TTN: variants seen among roughly 807,000 people sequenced by gnomAD.
TTN encodes the protein titin.
A neutral mutation model predicts 3,223.0 loss-of-function variants in TTN; 1,525 were observed. The ratio of observed to expected loss-of-function variants is 0.47; its 90% CI spans 0.45 to 0.49. The LOEUF is 0.49. Among genes scored for constraint, TTN ranks in the 20% least tolerant of loss-of-function variants. The probability of loss-of-function intolerance (pLI) is 0.00; values close to 1 mark genes in which losing one functional copy is unlikely to be tolerated. For synonymous variants in TTN, 14,094 were observed against 15,161.0 expected, an observed-to-expected ratio of 0.93 and a Z score of 5.17; for missense variants, 40,786 against 43,424.0, an observed-to-expected ratio of 0.94 and a Z score of 5.40.
Position 178,748,945 on chromosome 2 carries a change from A to G in TTN, c.11311+4179T>C, listed in dbSNP as rs146470872. The stretch of plus-strand genomic sequence containing the variant: ...CTTTGTCATCAATCTTCTTTTGAGG[A>G]GGATTAACAATTGATGTTCTGGTAG... On this transcript the variant is annotated intron_variant, in intron 47 of 362. Coordinates refer to ENST00000589042, the MANE Select transcript of TTN (RefSeq NM_001267550.2). 1.1e-3 allele frequency: 1,794 copies of G among 1,612,446 alleles called. 13 individuals carry two copies. In the African/African-American group the frequency reaches 0.014, roughly 13 times the overall value.
chr2:178,712,616 A>G (rs1261718717), intron 94 of TTN, 23 bp from the exon 95 acceptor site: 1 of 1,607,136 alleles, frequency 6.2e-7, no homozygotes, highest in Non-Finnish European at 8.5e-7. Flanking sequence ...AATTGAAAAT[A>G]TAAAATCAAA....
intron 127 of TTN, among the ~76,000 whole-genome samples, chr2:178,686,345 C>G (rs1011927058): frequency 6.6e-6 from 1 of 151,240 alleles, no homozygotes; most frequent in African/African-American, 2.4e-5. Context: ...TGGTCTCGAT[C>G]TCCTGACCTC....
Position 178,701,223 on chromosome 2 carries a change from T to TTAG in TTN, c.30599-23_30599-21dup. ...GGATTTCTGAAGAAAATAAATGCCG[T>TTAG]TAGTAACATGTTTTAGTTTCTTATT... On this transcript the variant is annotated intron_variant, in intron 110 of 362. Transcript: ENST00000589042. 1.3e-6 allele frequency: 2 copies of TTAG among 1,592,806 alleles called. No homozygotes were observed. The highest frequency in any genetic ancestry group is 2.3e-5 in the South Asian group (2 of 87,602).
chr2:178,670,072 A>T, intron 157 of TTN, 146 bp downstream of exon 157: 3 of 529,306 alleles, frequency 5.7e-6, no homozygotes, highest in Non-Finnish European at 9.5e-6. Context: ...CATTGCCTCA[A>T]AAGGCAGGAT....
In TTN at chr2:178,620,102, C is replaced by T; in HGVS notation, c.46315G>A (p.Glu15439Lys). 1.2e-6 allele frequency: 2 copies of T among 1,608,934 alleles called. No homozygotes were observed. Among genetic ancestry groups the T allele is most frequent in the Non-Finnish European group, 8.5e-7 (1 of 1,178,028 alleles). ...EIKEGKKYKF[E>K]KDGSIHRLII... Reference sequence around the variant, plus strand: ...AGTCTGTGTATACTTCCATCTTTTTCAAATTTGTATCTAAAGGAGACATTG... The same window carrying T: ...AGTCTGTGTATACTTCCATCTTTTTTAAATTTGTATCTAAAGGAGACATTG... Residue 15439 changes from glutamate (E) to lysine (K), a missense_variant, in exon 249 of 363, where the codon GAA becomes AAA. Transcript: ENST00000589042.
chr2:178,747,391 A>G, intron 47 of TTN: 1 of 1,613,390 alleles, frequency 6.2e-7, no homozygotes, highest in Non-Finnish European at 8.5e-7. Flanking sequence ...AATATAAGTC[A>G]GGGGACTTTG....
rs763859180 is a variant in TTN at position 178,698,926 on chromosome 2, AAAAAAGAAAAAAAAAG to A, written c.30683-28_30683-13del. On this transcript the variant is annotated splice_polypyrimidine_tract_variant and intron_variant, in intron 111 of 362. Coordinates refer to ENST00000589042, the MANE Select transcript of TTN (RefSeq NM_001267550.2). ...AGCCTTTTTGGTAACTAAAAAAAAA[AAAAAAGAAAAAAAAAG>A]AAAAAATATTTCTGGTGTAAGTAAC... The A allele has an allele frequency of 1.1e-5, 17 of 1,495,168 alleles. No homozygotes were observed. The South Asian group carries it at 1.9e-4, about 16-fold the overall frequency. 92.6% of individuals were successfully genotyped at this position (1,495,168 alleles called of 1,614,324 possible). A position where few individuals can be genotyped will look rare whatever the true frequency, so the allele number is the denominator to read the frequency against.
rs118087895 is a variant in TTN at position 178,759,677 on chromosome 2, C to T, written c.10115-505G>A. Among the ~76,000 whole-genome samples, 145 of 152,106 alleles carry T rather than the reference C, an allele frequency of 9.5e-4. 4 individuals carry two copies. In the East Asian group the frequency reaches 0.025, roughly 27 times the overall value. Reference sequence around the variant, plus strand: ...AGTCTAAAATAGATACCTTTGAAGGCTGTAGAAAAAAAATCTCTATCTTTG... The same window carrying T: ...AGTCTAAAATAGATACCTTTGAAGGTTGTAGAAAAAAAATCTCTATCTTTG... On this transcript the variant is annotated intron_variant, in intron 43 of 362. Coordinates refer to ENST00000589042, the MANE Select transcript of TTN (RefSeq NM_001267550.2).
intron 150 of TTN, among the ~76,000 whole-genome samples, 153 bp downstream of exon 150, chr2:178,674,886 C>T (rs779739241): frequency 6.6e-6 from 1 of 151,664 alleles, no homozygotes; most frequent in African/African-American, 2.4e-5. Flanking sequence ...TATTAATTTG[C>T]CTGCCCAATT....
chr2:178,706,703 T>G lies in TTN; in HGVS notation c.29171A>C (p.Asp9724Ala). The G allele has an allele frequency of 6.2e-7, 1 of 1,612,414 alleles. No homozygotes were observed. The highest frequency in any genetic ancestry group is 8.5e-7 in the Non-Finnish European group (1 of 1,178,662). The change falls in exon 102 of 363, where the codon GAC becomes GCC. Residue 9724 changes from aspartate (D) to alanine (A), a missense_variant. Physicochemically the swap from Asp to Ala is moderately radical, Grantham distance 126. Coordinates refer to ENST00000589042, the MANE Select transcript of TTN (RefSeq NM_001267550.2). ...TATFIAKVGG[D>A]PIPNVKWTKG... The stretch of plus-strand genomic sequence containing the variant: ...TGTCCATTTAACATTTGGGATTGGG[T>G]CACCTCCAACTTTTGCAATGAAGGT...
chr2:178,660,906 C>CA (rs1278332826), intron 180 of TTN, among the ~76,000 whole-genome samples: 2 of 131,560 alleles, frequency 1.5e-5, no homozygotes, highest in African/African-American at 5.7e-5. Flanking sequence ...TTTATGCAGC[C>CA]AAAATACACA....
In TTN at chr2:178,730,856, T is replaced by G. The variant is rs562328534; in HGVS notation, c.17741-64A>C. On this transcript the variant is annotated intron_variant, in intron 60 of 362. Transcript: ENST00000589042. Reference sequence around the variant, plus strand: ...AATCTACTAATTTGTTTTTGTTTTTTTTTTTAAATTTTAAGGGAAGAAGGA... The same window carrying G: ...AATCTACTAATTTGTTTTTGTTTTTGTTTTTAAATTTTAAGGGAAGAAGGA... The G allele has an allele frequency of 1.5e-5, 23 of 1,530,078 alleles. No homozygotes were observed. In the Middle Eastern group the frequency reaches 8.9e-4, roughly 59 times the overall value. The allele number at this position is 1,530,078 out of a possible 1,614,324, so 94.8% of individuals were successfully genotyped here.
chr2:178,563,968 G>C lies in TTN; in HGVS notation c.82164C>G (p.Tyr27388Ter). 1 of 1,613,666 alleles carries C rather than the reference G, an allele frequency of 6.2e-7. No homozygotes were observed. The highest frequency in any genetic ancestry group is 8.5e-7 in the Non-Finnish European group (1 of 1,179,732). Residue 27388 changes from tyrosine to a stop codon, truncating the protein, a stop_gained, in exon 326 of 363, where the codon TAC (tyrosine) becomes TAG (stop). Transcript: ENST00000589042. LOFTEE classifies it high-confidence loss of function. This position sits in a 1 kb window ranked among gnomAD's most constrained non-coding sequence, Gnocchi z 4.5. ...CTTGCAAAGGTGGGTTCCATGCCAG[G>C]TAACATTTTTCCGCAGTAACTCCAG... ...KVTGVTAEKC[Y>*]LAWNPPLQDG...
At position 178,802,420 on chromosome 2, in the gene TTN, C is replaced by A. The variant is rs2094115957; in HGVS notation, c.92-79G>T. On this transcript the variant is annotated intron_variant, in intron 2 of 362. Transcript: ENST00000589042. The stretch of plus-strand genomic sequence containing the variant: ...CTGCTCTGTCCCATCATGTTCACTG[C>A]CTTGTCCGAATCTGTAAAAGCTTTC... 4.0e-6 allele frequency: 6 copies of A among 1,499,270 alleles called. No homozygotes were observed. The African/African-American group carries it at 4.1e-5, about 10-fold the overall frequency. 92.9% of individuals were successfully genotyped at this position (1,499,270 alleles called of 1,614,324 possible). A position where few individuals can be genotyped will look rare whatever the true frequency, so the allele number is the denominator to read the frequency against.
intron 354 of TTN, chr2:178,538,181 G>A: frequency 2.0e-6 from 1 of 492,166 alleles, no homozygotes; most frequent in Non-Finnish European, 3.5e-6. Flanking sequence ...GGCTTTTAAG[G>A]GACTGTAAAT....
rs1553940935 is a variant in TTN, at chr2:178,741,213, C to CCACT, written c.12016_12019dup (p.Gly4007GlufsTer7). On this transcript the variant is annotated frameshift_variant, in exon 48 of 363. Transcript: ENST00000589042. LOFTEE classifies it high-confidence loss of function. The stretch of plus-strand genomic sequence containing the variant: ...ATTCTCTGCTTTACAGATATAGAGG[C>CCACT]CACTGTCTTCCCTCTGAGGGTCATT... 1.2e-6 allele frequency: 2 copies of CCACT among 1,613,190 alleles called. No homozygotes were observed. The highest frequency in any genetic ancestry group is 1.7e-6 in the Non-Finnish European group (2 of 1,179,832).
chr2:178,591,324 G>A lies in TTN; in HGVS notation c.60401C>T (p.Ser20134Leu). 1 of 1,613,340 alleles carries A rather than the reference G, an allele frequency of 6.2e-7. No homozygotes were observed. The highest frequency in any genetic ancestry group is 1.1e-5 in the South Asian group (1 of 91,034). Residue 20134 changes from serine to leucine, a missense_variant, in exon 304 of 363, where the codon TCA becomes TTA. Coordinates refer to ENST00000589042, the MANE Select transcript of TTN (RefSeq NM_001267550.2). The stretch of plus-strand genomic sequence containing the variant: ...TAAGCAGTTCTTAATGGTAAGTACT[G>A]ATGAGAAGTTGTCTGTTTCAACTGT... Reference protein sequence around the residue: ...HYTVETDNFSSVLTIKNCLRR... With the variant: ...HYTVETDNFSLVLTIKNCLRR...
intron 280 of TTN, 40 bp downstream of exon 280, chr2:178,604,947 C>A: frequency 6.3e-7 from 1 of 1,592,768 alleles, no homozygotes; most frequent in South Asian, 1.1e-5. Flanking sequence ...CTTAAACAGA[C>A]ACTGGATGCC....
chr2:178,535,320 T>G lies in TTN; in HGVS notation c.101295A>C (p.Glu33765Asp). 2 of 1,613,928 alleles carry G rather than the reference T, an allele frequency of 1.2e-6. No individual in the cohort carries two copies. The highest frequency in any genetic ancestry group is 1.7e-6 in the Non-Finnish European group (2 of 1,179,852). The stretch of plus-strand genomic sequence containing the variant: ...AAGGCTTGCTCAGACCAAATTTATT[T>G]TCAGCTATTACCCGGAACTGGTAAC... ...KTSYQFRVIA[E>D]NKFGLSKPSE... The change falls in exon 358 of 363, where the codon GAA becomes GAC. Residue 33765 changes from glutamate to aspartate, a missense_variant. Transcript: ENST00000589042.
Sources: allele counts gnomAD v4.1 joint callset (sites outside exome capture counted in the v4.1 genomes callset), GRCh38; gene constraint gnomAD v4.1.1; non-coding constraint Gnocchi (gnomAD v3.1); transcripts MANE v1.5; gene names NCBI Gene and HGNC (gene_info 2026-07-23, HGNC 2026-07-21).